Variants in ABI2 observed in about 807,000 individuals in gnomAD.
ABI2 encodes abl interactor 2, also known as abelson interactor 2.
Under a neutral mutation model 59.2 loss-of-function variants are expected in ABI2, and 25 were observed. The ratio of observed to expected loss-of-function variants is 0.42; its 90% CI spans 0.31 to 0.59. The LOEUF is 0.59. Among genes scored for constraint, ABI2 ranks in the 20% least tolerant of loss-of-function variants. The pLI, the probability that ABI2 is intolerant of heterozygous loss-of-function variation, is 0.14. For synonymous variants in ABI2, 213 were observed against 235.5 expected, an observed-to-expected ratio of 0.90 and a Z score of 0.87; for missense variants, 545 against 681.8, an observed-to-expected ratio of 0.80 and a Z score of 2.23.
intron 4 of ABI2, among the ~76,000 whole-genome samples, chr2:203,387,842 G>A (rs1208734045): frequency 2.0e-5 from 3 of 152,028 alleles, no homozygotes; most frequent in African/African-American, 7.2e-5. Flanking sequence ...TATATGTTCT[G>A]TCTCTCTCTC....
intron 5 of ABI2, among the ~76,000 whole-genome samples, chr2:203,393,962 G>A (rs962403516): frequency 6.6e-5 from 10 of 151,720 alleles, no homozygotes; most frequent in Non-Finnish European, 1.3e-4. Flanking sequence ...GGGAAAAGGC[G>A]GGAAATATGT....
At chr2:203,372,719 G>A (rs1261232408) in intron 2 of ABI2, among the ~76,000 whole-genome samples, 28 of 151,432 alleles carry the variant, frequency 1.8e-4, no homozygotes, top group South Asian at 1.0e-3. Flanking sequence ...CAGACGGGGC[G>A]GCTGCCGGGC....
intron 1 of ABI2, among the ~76,000 whole-genome samples, chr2:203,356,507 T>C (rs1331623418): frequency 2.6e-5 from 4 of 152,164 alleles, no homozygotes; most frequent in Non-Finnish European, 5.9e-5. Flanking sequence ...TAGCTGGGAC[T>C]ACAGGCGCGT....
intron 1 of ABI2, among the ~76,000 whole-genome samples, chr2:203,339,232 A>C (rs1432733979): frequency 6.6e-6 from 1 of 151,386 alleles, no homozygotes; most frequent in Non-Finnish European, 1.5e-5. Context: ...AAGCAGGTGG[A>C]GAAAAGAGAA....
chr2:203,351,687 T>C (rs1348669389), intron 1 of ABI2: 1 of 349,876 alleles, frequency 2.9e-6, no homozygotes, highest in East Asian at 1.0e-4. Flanking sequence ...AGGTGCGTGC[T>C]ACTGTGCCCG....
chr2:203,335,846 C>T (rs2076213506), intron 1 of ABI2, among the ~76,000 whole-genome samples: 2 of 152,068 alleles, frequency 1.3e-5, no homozygotes, highest in African/African-American at 4.8e-5. Flanking sequence ...ATATATGGTA[C>T]AAGTCACCCT....
At chr2:203,348,989 A>G (rs576532276) in intron 1 of ABI2, among the ~76,000 whole-genome samples, 202 of 152,006 alleles carry the variant, frequency 1.3e-3, no homozygotes, top group Middle Eastern at 0.01. Flanking sequence ...CTGGAGTGCA[A>G]TGGTGTGATC....
rs398071479 is a variant in ABI2, at chr2:203,413,900, G to GCA, written c.1279+2529_1279+2530insCA. ...ATTTGGAACCAGTTATAGTGACCCA[G>GCA]TTATACTGGGGTAAGAAGTACAGCT... On this transcript the variant is annotated intron_variant, in intron 10 of 11. Transcript: ENST00000261018. Among the ~76,000 whole-genome samples, 33 of 151,962 alleles carry GCA rather than the reference G, an allele frequency of 2.2e-4. 1 individual carries two copies. The highest frequency in any genetic ancestry group is 3.7e-4 in the Non-Finnish European group (25 of 67,978).
chr2:203,338,171 AAGG>A (rs1488165526), intron 1 of ABI2, among the ~76,000 whole-genome samples: 1 of 152,266 alleles, frequency 6.6e-6, no homozygotes, highest in Non-Finnish European at 1.5e-5. Flanking sequence ...ACAATGGGGA[AAGG>A]ATAATTCAGT....
At chr2:203,358,572 T>C (rs1206574272) in intron 1 of ABI2, among the ~76,000 whole-genome samples, 1 of 152,238 alleles carries the variant, frequency 6.6e-6, no homozygotes, top group African/African-American at 2.4e-5. Flanking sequence ...CTGTGTCTCG[T>C]TTCTGCTTCT....
chr2:203,417,895 A>G (rs2097971039), intron 11 of ABI2, among the ~76,000 whole-genome samples: 1 of 152,220 alleles, frequency 6.6e-6, no homozygotes, highest in African/African-American at 2.4e-5. Context: ...GCTACTATAA[A>G]TACCACATGT....
In ABI2 at chr2:203,428,598, AACTG is replaced by A. The variant is rs773871236; in HGVS notation, c.*1249_*1252del. On this transcript the variant is annotated 3_prime_UTR_variant, in exon 12 of 12. Transcript: ENST00000261018. ...TAATCACATTGATAAAAATTAATATAACTGACACAATAAAACACATTTCCCCCAT... is the reference window on the plus strand; with the variant it reads ...TAATCACATTGATAAAAATTAATATAACACAATAAAACACATTTCCCCCAT... The A allele has an allele frequency of 2.6e-5, 4 of 152,590 alleles. No homozygotes were observed. The highest frequency in any genetic ancestry group is 2.9e-5 in the Non-Finnish European group (2 of 68,046). 9.5% of individuals were successfully genotyped at this position (152,590 alleles called of 1,614,324 possible).
chr2:203,328,970 C>T, intron 1 of ABI2: 1 of 196,772 alleles, frequency 5.1e-6, no homozygotes, highest in Non-Finnish European at 1.0e-5. Flanking sequence ...TTCTGTTTGA[C>T]GGAATCCTGC....
intron 5 of ABI2, among the ~76,000 whole-genome samples, chr2:203,391,504 A>G (rs1393230900): frequency 1.3e-5 from 2 of 151,886 alleles, no homozygotes; most frequent in Non-Finnish European, 2.9e-5. Context: ...ATAAAATTCT[A>G]TAAAACTTAT....
intron 1 of ABI2, among the ~76,000 whole-genome samples, chr2:203,349,499 C>T (rs573712521): frequency 1.3e-5 from 2 of 152,058 alleles, no homozygotes; most frequent in East Asian, 3.9e-4. Flanking sequence ...CTGCCTCCCA[C>T]GTTCAAGCGA....
chr2:203,340,935 T>G (rs1559159403), intron 1 of ABI2, among the ~76,000 whole-genome samples: 1 of 152,222 alleles, frequency 6.6e-6, no homozygotes, highest in Non-Finnish European at 1.5e-5. Context: ...CCCTTCTTTG[T>G]TCACTCAACT....
chr2:203,375,938 C>T (rs2153141636), intron 2 of ABI2: 1 of 661,846 alleles, frequency 1.5e-6, no homozygotes, highest in East Asian at 2.9e-5. Context: ...ACAGGCAATA[C>T]TGCAGTTCAA....
intron 1 of ABI2, among the ~76,000 whole-genome samples, chr2:203,361,723 C>G (rs547363204): frequency 6.6e-6 from 1 of 152,138 alleles, no homozygotes; most frequent in Non-Finnish European, 1.5e-5. Context: ...CATGACTGTT[C>G]TATGCAAATA....
At chr2:203,411,204 GTTTA>G (rs2097660975) in intron 9 of ABI2, 77 bp from the exon 10 acceptor site, 1 of 1,097,928 alleles carries the variant, frequency 9.1e-7, no homozygotes, top group African/African-American at 1.6e-5. Context: ...TCCTTTATGT[GTTTA>G]TTTTATTGTA....
Sources: gnomAD v4.1 joint callset for allele counts (sites outside exome capture counted in the v4.1 genomes callset) on GRCh38, gnomAD v4.1.1 for gene constraint, MANE v1.5 for transcripts, NCBI Gene and HGNC (gene_info 2026-07-23, HGNC 2026-07-21) for gene names.